SHANK2: variants seen among roughly 807,000 people sequenced by gnomAD.
SHANK2 encodes the protein SH3 and multiple ankyrin repeat domains protein 2.
A neutral mutation model predicts 133.7 loss-of-function variants in SHANK2; 43 were observed. That is an observed-to-expected ratio of 0.32 (90% CI 0.25 to 0.41). The LOEUF (loss-of-function observed/expected upper bound fraction) is 0.41. Ranked by LOEUF, SHANK2 falls within the 10% of genes least tolerant of loss-of-function variation. SHANK2 has a pLI of 1.00. For missense variants in SHANK2, 1,994 were observed against 2,235.8 expected (o/e 0.89, Z 2.18); for synonymous variants, 1,017 against 952.8 (o/e 1.07, Z -1.24).
chr11:70,781,558 T>TTTTATA (rs1555045156), intron 14 of SHANK2, among the ~76,000 whole-genome samples: 2 of 28,970 alleles, frequency 6.9e-5, no homozygotes, highest in African/African-American at 2.1e-4. Flanking sequence ...TACTTACTTA[T>TTTTATA]TATATATATA....
At chr11:70,814,824 G>T (rs1260054313) in intron 12 of SHANK2, among the ~76,000 whole-genome samples, 2 of 152,236 alleles carry the variant, frequency 1.3e-5, no homozygotes, top group Non-Finnish European at 2.9e-5. Flanking sequence ...GAAGGAGAGG[G>T]TGGCCAGGAC....
In SHANK2 at chr11:70,468,058, G is replaced by A. The variant is rs1351792741; in HGVS notation, c.*4811C>T. On this transcript the variant is annotated 3_prime_UTR_variant, in exon 26 of 26. Coordinates refer to ENST00000601538, the MANE Select transcript of SHANK2 (RefSeq NM_012309.5). The stretch of plus-strand genomic sequence containing the variant: ...TTATCAGCTACATTAATACATTGAA[G>A]ATATATTTATCCTTTCATGAAAGAT... The A allele has an allele frequency of 1.3e-5, 2 of 152,322 alleles. No individual in the cohort carries two copies. The highest frequency in any genetic ancestry group is 3.9e-4 in the East Asian group (2 of 5,182). The allele number at this position is 152,322 out of a possible 1,614,324, so 9.4% of individuals were successfully genotyped here. A position where few individuals can be genotyped will look rare whatever the true frequency, so the allele number is the denominator to read the frequency against.
intron 17 of SHANK2, among the ~76,000 whole-genome samples, chr11:70,636,513 G>A (rs1047999993): frequency 2.0e-5 from 3 of 150,270 alleles, no homozygotes; most frequent in Admixed American, 2.0e-4. Context: ...GAGGATGCAT[G>A]AGAATGTGTG....
At chr11:71,124,919 A>T (rs73521185) in intron 3 of SHANK2, among the ~76,000 whole-genome samples, 9,357 of 152,262 alleles carry the variant, frequency 0.061, 880 homozygotes, top group African/African-American at 0.21. Flanking sequence ...TGTGTCACAT[A>T]TGAGTAATTC....
chr11:70,828,039 A>C (rs1565346166), intron 11 of SHANK2, among the ~76,000 whole-genome samples: 1 of 152,104 alleles, frequency 6.6e-6, no homozygotes, highest in Non-Finnish European at 1.5e-5. Flanking sequence ...AGTGCTTCGG[A>C]AGGTGGAGGC....
chr11:71,245,597 G>A lies in SHANK2; in HGVS notation c.-113+6828C>T, dbSNP rs565130108. ...GAGGCAATCTGGAGGCCGGGGAAGCGACCGGTGCCTTCTTCTGCACGGTGG... is the reference window on the plus strand; with the variant it reads ...GAGGCAATCTGGAGGCCGGGGAAGCAACCGGTGCCTTCTTCTGCACGGTGG... On this transcript the variant is annotated intron_variant, in intron 1 of 25. Transcript: ENST00000601538. Among the ~76,000 whole-genome samples the A allele has an allele frequency of 5.9e-5, 9 of 152,334 alleles. No individual in the cohort carries two copies. In the South Asian group the frequency reaches 1.0e-3, roughly 18 times the overall value.
chr11:70,949,395 C>G (rs1555086051), intron 10 of SHANK2, among the ~76,000 whole-genome samples: 4 of 152,226 alleles, frequency 2.6e-5, no homozygotes, highest in Admixed American at 6.5e-5. Context: ...TCCCAGGACC[C>G]TGGGCTGCAC....
At chr11:70,762,969 C>A (rs1008999989) in intron 14 of SHANK2, among the ~76,000 whole-genome samples, 1 of 152,214 alleles carries the variant, frequency 6.6e-6, no homozygotes, top group African/African-American at 2.4e-5. Flanking sequence ...CACCTGCACA[C>A]CACCATGAGG....
intron 14 of SHANK2, among the ~76,000 whole-genome samples, chr11:70,759,990 C>A (rs1382146585): frequency 6.6e-6 from 1 of 152,234 alleles, no homozygotes; most frequent in Non-Finnish European, 1.5e-5. Context: ...TGATTTCAGA[C>A]TTCCAGCCTC....
In SHANK2 at chr11:70,472,165, A is replaced by G. The variant is rs1555148705; in HGVS notation, c.*704T>C. On this transcript the variant is annotated 3_prime_UTR_variant, in exon 26 of 26. Coordinates refer to ENST00000601538, the MANE Select transcript of SHANK2 (RefSeq NM_012309.5). The surrounding 1 kb of genome is among the most constrained non-coding windows in gnomAD (Gnocchi z 4.4). ...TGGAATTATGCTAACAGATTTGCAG[A>G]AATAAAGAAAGCTAAGCAAAGCTGG... The G allele has an allele frequency of 3.3e-5, 5 of 152,876 alleles. No individual in the cohort carries two copies. Among genetic ancestry groups the G allele is most frequent in the Non-Finnish European group, 1.5e-5 (1 of 68,236 alleles). 9.5% of individuals were successfully genotyped at this position (152,876 alleles called of 1,614,324 possible).
In SHANK2 at chr11:70,820,410, C is replaced by T. The variant is rs952956354; in HGVS notation, c.1447G>A (p.Gly483Ser). The change falls in exon 12 of 26, where the codon GGC becomes AGC. Residue 483 changes from glycine to serine, a missense_variant. Physicochemically the swap from Gly to Ser is moderately conservative, Grantham distance 56 (BLOSUM62 0). Transcript: ENST00000601538. ...SRSPSLNRLG[G>S]AGEDGKRPQP... The stretch of plus-strand genomic sequence containing the variant: ...GGCCTCTTGCCGTCCTCGCCTGCGC[C>T]GCCCAGCCTGTTGAGCGATGGGGAC... 10 of 692,782 alleles carry T rather than the reference C, an allele frequency of 1.4e-5. No individual in the cohort carries two copies. Among genetic ancestry groups the T allele is most frequent in the Middle Eastern group, 2.3e-4 (1 of 4,304 alleles). The allele number at this position is 692,782 out of a possible 1,614,324, so 42.9% of individuals were successfully genotyped here.
In SHANK2 at chr11:70,676,190, C is replaced by T. The variant is rs556657316; in HGVS notation, c.1854-14512G>A. On this transcript the variant is annotated intron_variant, in intron 15 of 25. Transcript: ENST00000601538. Reference sequence around the variant, plus strand: ...CTTCTTTCTCCACCACACCCAGCTCCTGTCACAGACTCTGGCACTCTTCCC... The same window carrying T: ...CTTCTTTCTCCACCACACCCAGCTCTTGTCACAGACTCTGGCACTCTTCCC... Among the ~76,000 whole-genome samples, 18 of 152,384 alleles carry T rather than the reference C, an allele frequency of 1.2e-4. No individual in the cohort carries two copies. In the South Asian group the frequency reaches 3.5e-3, roughly 30 times the overall value.
chr11:71,078,803 T>C (rs1951254093), intron 8 of SHANK2, among the ~76,000 whole-genome samples: 2 of 152,208 alleles, frequency 1.3e-5, no homozygotes, highest in African/African-American at 4.8e-5. Flanking sequence ...TTGCATGTAA[T>C]TAAAAGTGGG....
At chr11:70,540,188 C>T (rs557737688) in intron 17 of SHANK2, among the ~76,000 whole-genome samples, 3 of 152,296 alleles carry the variant, frequency 2.0e-5, no homozygotes, top group South Asian at 2.1e-4. Context: ...CAGGGGAACA[C>T]GATTCATTCC....
At position 70,471,466 on chromosome 11, in the gene SHANK2, T is replaced by G; in HGVS notation, c.*1403A>C. Reference sequence around the variant, plus strand: ...AGGTATTGTTATGGGGTGGAGGGACTCCGGGGAAAGAAAGGGGCGGGGCTC... The same window carrying G: ...AGGTATTGTTATGGGGTGGAGGGACGCCGGGGAAAGAAAGGGGCGGGGCTC... On this transcript the variant is annotated 3_prime_UTR_variant, in exon 26 of 26. Coordinates refer to ENST00000601538, the MANE Select transcript of SHANK2 (RefSeq NM_012309.5). The surrounding 1 kb of genome is among the most constrained non-coding windows in gnomAD (Gnocchi z 4.1). 1 of 398,586 alleles carries G rather than the reference T, an allele frequency of 2.5e-6. No individual in the cohort carries two copies. Among genetic ancestry groups the G allele is most frequent in the South Asian group, 1.3e-4 (1 of 7,834 alleles). The allele number at this position is 398,586 out of a possible 1,614,324, so 24.7% of individuals were successfully genotyped here. A position where few individuals can be genotyped will look rare whatever the true frequency, so the allele number is the denominator to read the frequency against.
At chr11:71,146,769 G>A (rs1166892697) in intron 3 of SHANK2, among the ~76,000 whole-genome samples, 6 of 152,284 alleles carry the variant, frequency 3.9e-5, no homozygotes, top group African/African-American at 9.6e-5. Flanking sequence ...AGCCAGTTGC[G>A]GGTGCACCTG....
intron 3 of SHANK2, among the ~76,000 whole-genome samples, chr11:71,145,742 G>A (rs1464961279): frequency 3.9e-5 from 6 of 152,216 alleles, no homozygotes; most frequent in Non-Finnish European, 8.8e-5. Context: ...GCAGCATGAT[G>A]CTTCCCCGAT....
rs1237806985 is a variant in SHANK2 at position 70,514,780 on chromosome 11, A to G, written c.2062-11849T>C. Among the ~76,000 whole-genome samples the G allele has an allele frequency of 2.0e-5, 3 of 152,346 alleles. No individual in the cohort carries two copies. In the East Asian group the frequency reaches 5.8e-4, roughly 29 times the overall value. ...ATAAGGTTCTAAGAATAGTTAAATA[A>G]TCTAAAATAAGGCAGAAAAAGGGAA... On this transcript the variant is annotated intron_variant, in intron 17 of 25. Transcript: ENST00000601538.
intron 15 of SHANK2, among the ~76,000 whole-genome samples, chr11:70,682,772 A>G (rs1340622734): frequency 2.6e-5 from 4 of 151,946 alleles, no homozygotes; most frequent in Admixed American, 2.0e-4. Flanking sequence ...CCTTTGTTGA[A>G]CTCACTCTCT....
Sources: gnomAD v4.1 joint callset for allele counts (sites outside exome capture counted in the v4.1 genomes callset) on GRCh38, gnomAD v4.1.1 for gene constraint, Gnocchi (gnomAD v3.1) non-coding constraint, MANE v1.5 for transcripts, NCBI Gene and HGNC (gene_info 2026-07-23, HGNC 2026-07-21) for gene names.